The following PRICKLE2 variants were observed in gnomAD, a reference collection of about 807,000 sequenced individuals.
The protein encoded by PRICKLE2 is prickle-like protein 2.
A neutral mutation model predicts 81.4 loss-of-function variants in PRICKLE2; 21 were observed. The ratio of observed to expected loss-of-function variants is 0.26; its 90% CI spans 0.18 to 0.37. PRICKLE2 has a LOEUF of 0.37. Among genes scored for constraint, PRICKLE2 ranks in the 10% least tolerant of loss-of-function variants. The pLI is 1.00. For missense variants in PRICKLE2, 940 were observed against 1,109.0 expected (o/e 0.85, Z 2.16); for synonymous variants, 456 against 421.5 (o/e 1.08, Z -1.00).
chr3:64,216,099 T>C (rs1452596332), intron 1 of PRICKLE2, among the ~76,000 whole-genome samples: 3 of 152,230 alleles, frequency 2.0e-5, no homozygotes, highest in Non-Finnish European at 2.9e-5. Context: ...GGTAATCATG[T>C]AGAAAAATGC....
At chr3:64,141,153 T>C (rs547482369) in intron 7 of PRICKLE2, among the ~76,000 whole-genome samples, 5 of 152,362 alleles carry the variant, frequency 3.3e-5, no homozygotes, top group African/African-American at 9.6e-5. Flanking sequence ...TGGTCTATTA[T>C]GATTATCATT....
At chr3:64,213,572 G>A (rs2078826562) in intron 1 of PRICKLE2, among the ~76,000 whole-genome samples, 1 of 152,168 alleles carries the variant, frequency 6.6e-6, no homozygotes, top group Admixed American at 6.5e-5. Flanking sequence ...GAAGTTCAGA[G>A]AAGCCAAGTA....
intron 6 of PRICKLE2, among the ~76,000 whole-genome samples, chr3:64,148,396 C>A (rs1294945298): frequency 2.0e-5 from 3 of 152,186 alleles, no homozygotes; most frequent in Non-Finnish European, 2.9e-5. Context: ...TTATTTCTCT[C>A]CCCCGCTAAA....
intron 2 of PRICKLE2, among the ~76,000 whole-genome samples, chr3:64,164,529 G>A (rs763177687): frequency 3.3e-5 from 5 of 152,098 alleles, no homozygotes; most frequent in Non-Finnish European, 7.4e-5. Flanking sequence ...TAGAAGAGGG[G>A]GTGAAAAGGC....
At position 64,147,140 on chromosome 3, in the gene PRICKLE2, T is replaced by C; in HGVS notation, c.1350A>G (p.Lys450=). The change falls in exon 7 of 8, where the codon AAA becomes AAG. Residue 450 remains lysine, a synonymous_variant. Transcript: ENST00000638394. The surrounding 1 kb of genome is among the most constrained non-coding windows in gnomAD (Gnocchi z 5.0). ...CTGTCATGGCCAGTGACGAGCTCCT[T>C]TTGGGGTTGCTGAAGTGCTTGCCCC... The part of the protein sequence containing the change: ...EMWGKHFSNP[K]RSSSLAMTGH... 1 of 1,614,132 alleles carries C rather than the reference T, an allele frequency of 6.2e-7. No individual in the cohort carries two copies. The highest frequency in any genetic ancestry group is 8.5e-7 in the Non-Finnish European group (1 of 1,180,030).
At chr3:64,262,314 G>A (rs1034034041) in intron 2 of PRICKLE2, among the ~76,000 whole-genome samples, 1 of 152,132 alleles carries the variant, frequency 6.6e-6, no homozygotes, top group African/African-American at 2.4e-5. Flanking sequence ...GGTGCCAAAA[G>A]TTTTTAGCTC....
intron 2 of PRICKLE2, among the ~76,000 whole-genome samples, chr3:64,169,917 T>C (rs181604904): frequency 6.6e-6 from 1 of 152,238 alleles, no homozygotes; most frequent in African/African-American, 2.4e-5. Flanking sequence ...TGGTGGTCTT[T>C]AAAAAAGTAC....
intron 7 of PRICKLE2, among the ~76,000 whole-genome samples, chr3:64,113,546 C>T (rs980866477): frequency 3.9e-5 from 6 of 152,164 alleles, no homozygotes; most frequent in Non-Finnish European, 8.8e-5. Context: ...ACTGCAGCTT[C>T]CCCGGGGCCC....
intron 1 of PRICKLE2, among the ~76,000 whole-genome samples, chr3:64,213,700 T>C (rs1257538259): frequency 1.3e-5 from 2 of 152,150 alleles, no homozygotes; most frequent in African/African-American, 4.8e-5. Flanking sequence ...TCTCCAACTT[T>C]TTTCAGAAAA....
intron 7 of PRICKLE2, among the ~76,000 whole-genome samples, chr3:64,143,341 T>C (rs2077393269): frequency 6.6e-6 from 1 of 152,146 alleles, no homozygotes; most frequent in African/African-American, 2.4e-5. Context: ...CCCTCAGTTT[T>C]ATCAGGCATG....
intron 4 of PRICKLE2, among the ~76,000 whole-genome samples, chr3:64,159,291 C>A (rs868677685): frequency 1.3e-5 from 2 of 152,224 alleles, no homozygotes; most frequent in Middle Eastern, 3.2e-3. Flanking sequence ...AGGAGAAGAT[C>A]ATTTACCTCC....
At chr3:64,218,236 A>G (rs1236248124) in intron 1 of PRICKLE2, among the ~76,000 whole-genome samples, 1 of 152,210 alleles carries the variant, frequency 6.6e-6, no homozygotes, top group Non-Finnish European at 1.5e-5. Context: ...TTGAAACTTC[A>G]CAATGCCTTT....
Position 64,095,918 on chromosome 3 carries a change from T to C in PRICKLE2, c.*3133A>G, listed in dbSNP as rs547069269. The C allele has an allele frequency of 2.0e-4, 31 of 152,346 alleles. No homozygotes were observed. The highest frequency in any genetic ancestry group is 6.5e-4 in the African/African-American group (27 of 41,574). The allele number at this position is 152,346 out of a possible 1,614,324, so 9.4% of individuals were successfully genotyped here. On this transcript the variant is annotated 3_prime_UTR_variant, in exon 8 of 8. Coordinates refer to ENST00000638394, the MANE Select transcript of PRICKLE2 (RefSeq NM_198859.4). ...ACACTTGGTAGAGATCCCACAACTA[T>C]ATGACAGAAGGAAAGCGCCCTGAAT... is the stretch of plus-strand genomic sequence containing the variant.
intron 1 of PRICKLE2, among the ~76,000 whole-genome samples, chr3:64,215,519 T>C (rs2078857715): frequency 6.6e-6 from 1 of 152,270 alleles, no homozygotes; most frequent in African/African-American, 2.4e-5. Flanking sequence ...TTTGAAATTT[T>C]GACTAATACT....
At chr3:64,109,331 C>G (rs2076806533) in intron 7 of PRICKLE2, among the ~76,000 whole-genome samples, 1 of 152,188 alleles carries the variant, frequency 6.6e-6, no homozygotes, top group African/African-American at 2.4e-5. Context: ...AAGGCCTTTG[C>G]TGTCTAATTT....
intron 7 of PRICKLE2, among the ~76,000 whole-genome samples, chr3:64,132,574 G>A (rs902850462): frequency 2.6e-5 from 4 of 152,234 alleles, no homozygotes; most frequent in African/African-American, 7.2e-5. Flanking sequence ...CTAGCAGAGT[G>A]CCTGGCACAT....
At chr3:64,101,028 G>A (rs900139418) in intron 7 of PRICKLE2, 1 of 152,118 alleles carries the variant, frequency 6.6e-6, no homozygotes, top group African/African-American at 2.4e-5. Context: ...GCAGTGTTAC[G>A]AGCACTTTGC....
chr3:64,168,447 C>A (rs1182192104), intron 2 of PRICKLE2, among the ~76,000 whole-genome samples: 1 of 152,168 alleles, frequency 6.6e-6, no homozygotes, highest in Non-Finnish European at 1.5e-5. Context: ...GCATTCAAAG[C>A]CATCCTGGGC....
intron 2 of PRICKLE2, among the ~76,000 whole-genome samples, chr3:64,172,977 G>A (rs1188447903): frequency 6.6e-6 from 1 of 152,148 alleles, no homozygotes; most frequent in East Asian, 1.9e-4. Context: ...ATAAATTTCT[G>A]TTGTTTAAGC....
Sources: allele counts gnomAD v4.1 joint callset (sites outside exome capture counted in the v4.1 genomes callset), GRCh38; gene constraint gnomAD v4.1.1; non-coding constraint Gnocchi (gnomAD v3.1); transcripts MANE v1.5; gene names NCBI Gene and HGNC (gene_info 2026-07-23, HGNC 2026-07-21).